Variants in TRIO observed in about 807,000 individuals in gnomAD.
TRIO encodes the protein triple functional domain protein.
Under a neutral mutation model 351.9 loss-of-function variants are expected in TRIO, and 58 were observed. That is an observed-to-expected ratio of 0.16 (90% confidence interval 0.13 to 0.21). TRIO has a LOEUF of 0.21. Among genes scored for constraint, TRIO ranks in the 10% least tolerant of loss-of-function variants. TRIO has a pLI of 1.00. For missense variants in TRIO, 3,201 were observed against 4,027.8 expected, an observed-to-expected ratio of 0.79 and a Z score of 5.56; for synonymous variants, 1,758 against 1,595.7, an observed-to-expected ratio of 1.10 and a Z score of -2.42.
chr5:14,248,984 C>T (rs1156693598), intron 1 of TRIO, among the ~76,000 whole-genome samples: 3 of 152,144 alleles, frequency 2.0e-5, no homozygotes, highest in Non-Finnish European at 4.4e-5. Context: ...AGCTTCTGTC[C>T]AGGTGAGGTG....
intron 48 of TRIO, chr5:14,490,697 G>T: frequency 2.3e-6 from 1 of 427,230 alleles, no homozygotes; most frequent in East Asian, 7.1e-5. Flanking sequence ...AAGCAGGATA[G>T]ACTTGAAATG....
intron 1 of TRIO, among the ~76,000 whole-genome samples, chr5:14,200,375 T>G (rs1215018639): frequency 1.3e-5 from 2 of 152,236 alleles, no homozygotes; most frequent in Non-Finnish European, 2.9e-5. Context: ...GTCCTTTGTC[T>G]GTAATTGCGC....
At chr5:14,361,268 T>C (rs1744127893) in intron 13 of TRIO, among the ~76,000 whole-genome samples, 1 of 152,212 alleles carries the variant, frequency 6.6e-6, no homozygotes, top group African/African-American at 2.4e-5. Flanking sequence ...TATATGAAAG[T>C]ACTTCCGCTT....
At chr5:14,463,068 C>T (rs1265262782) in intron 36 of TRIO, 143 bp downstream of exon 36, 11 of 1,130,866 alleles carry the variant, frequency 9.7e-6, no homozygotes, top group Non-Finnish European at 1.3e-5. Flanking sequence ...TTTCAGGCAG[C>T]GTCAGCCTGG....
rs1309050792 is a variant in TRIO, at chr5:14,399,246, C to T, written c.4614+176C>T. 3 of 645,066 alleles carry T rather than the reference C, an allele frequency of 4.7e-6. No homozygotes were observed. In the African/African-American group the frequency reaches 5.5e-5, roughly 12 times the overall value. 40.0% of individuals were successfully genotyped at this position (645,066 alleles called of 1,614,324 possible). Reference sequence around the variant, plus strand: ...GTGAAATTATTTCCCACCCTCAAGTCCACTAGAGGGTGCTCTGGAGTTTAT... The same window carrying T: ...GTGAAATTATTTCCCACCCTCAAGTTCACTAGAGGGTGCTCTGGAGTTTAT... On this transcript the variant is annotated intron_variant, in intron 30 of 56. Transcript: ENST00000344204.
At chr5:14,227,436 A>G (rs1380833589) in intron 1 of TRIO, among the ~76,000 whole-genome samples, 1 of 152,146 alleles carries the variant, frequency 6.6e-6, no homozygotes, top group Non-Finnish European at 1.5e-5. Context: ...CTGATGGACC[A>G]CCTCATTTGT....
chr5:14,287,192 G>A (rs1736518371), intron 4 of TRIO, 129 bp downstream of exon 4: 6 of 879,568 alleles, frequency 6.8e-6, no homozygotes, highest in Middle Eastern at 2.4e-4. Context: ...ACGAACATGT[G>A]ATACGTAAAA....
At chr5:14,328,306 A>C (rs898669177) in intron 9 of TRIO, among the ~76,000 whole-genome samples, 9 of 152,270 alleles carry the variant, frequency 5.9e-5, no homozygotes, top group Non-Finnish European at 1.3e-4. Flanking sequence ...TAGTTAAAAC[A>C]ATGTGCTCAA....
rs767362125 is a variant in TRIO at position 14,487,821 on chromosome 5, A to G, written c.7193A>G (p.Asp2398Gly). ...CCCAGCAGGCGGCCCCCCGGCGCGG[A>G]CGCCGAGGGGTCCGAGCGAGAAGCG... ...SAPSRRPPGA[D>G]AEGSEREAEP... Residue 2398 changes from aspartate to glycine, a missense_variant, in exon 48 of 57, where the codon GAC (aspartate) becomes GGC (glycine). Physicochemically the swap from Asp to Gly is moderately conservative, Grantham distance 94. Coordinates refer to ENST00000344204, the MANE Select transcript of TRIO (RefSeq NM_007118.4). 2 of 1,478,420 alleles carry G rather than the reference A, an allele frequency of 1.4e-6. No individual in the cohort carries two copies. Among genetic ancestry groups the G allele is most frequent in the African/African-American group, 3.0e-5 (2 of 67,018 alleles). 91.6% of individuals were successfully genotyped at this position (1,478,420 alleles called of 1,614,324 possible).
At chr5:14,147,262 C>A (rs1203636855) in intron 1 of TRIO, among the ~76,000 whole-genome samples, 1 of 152,152 alleles carries the variant, frequency 6.6e-6, no homozygotes, top group Admixed American at 6.6e-5. Flanking sequence ...CAGAGTGGAA[C>A]TTGGGTAGAG....
rs999534000 is a variant in TRIO, at chr5:14,143,459, C to G, written c.-267C>G. Among the ~76,000 whole-genome samples the G allele has an allele frequency of 6.7e-6, 1 of 149,000 alleles. No homozygotes were observed. Among genetic ancestry groups the G allele is most frequent in the African/African-American group, 2.4e-5 (1 of 41,040 alleles). On this transcript the variant is annotated 5_prime_UTR_variant, in exon 1 of 57. Transcript: ENST00000344204. ...TCCGGGAGGCGCGTGCTGCTGCCCG[C>G]GCTCCGGCCGGCGCCCGGGAGGCCG...
chr5:14,488,948 C>A lies in TRIO; in HGVS notation c.7632+688C>A, dbSNP rs754694601. The A allele has an allele frequency of 5.2e-6, 4 of 764,058 alleles. No individual in the cohort carries two copies. The South Asian group carries it at 5.4e-5, about 10-fold the overall frequency. 47.3% of individuals were successfully genotyped at this position (764,058 alleles called of 1,614,324 possible). On this transcript the variant is annotated intron_variant, in intron 48 of 56. Transcript: ENST00000344204. ...TCGTTTGGCCCATCACTCATGCTGC[C>A]GTCTCAAGCACAAGGGTTGCTGTGG...
At chr5:14,276,201 T>TC (rs1735506456) in intron 2 of TRIO, among the ~76,000 whole-genome samples, 1 of 152,204 alleles carries the variant, frequency 6.6e-6, no homozygotes, top group Admixed American at 6.5e-5. Context: ...GTACTGCATT[T>TC]CCCCGGAAGA....
intron 1 of TRIO, among the ~76,000 whole-genome samples, chr5:14,184,198 G>T (rs1483293966): frequency 6.6e-6 from 1 of 152,054 alleles, no homozygotes; most frequent in East Asian, 1.9e-4. Flanking sequence ...ATTTAGAAAT[G>T]TTTTTTTAAA....
intron 1 of TRIO, among the ~76,000 whole-genome samples, chr5:14,171,662 A>G (rs1006681624): frequency 1.3e-5 from 2 of 152,234 alleles, no homozygotes; most frequent in Admixed American, 6.5e-5. Context: ...GTAATAGAGT[A>G]TCTGAAACTG....
chr5:14,365,178 T>C lies in TRIO; in HGVS notation c.2754+362T>C, dbSNP rs1384204270. Among the ~76,000 whole-genome samples the C allele has an allele frequency of 2.0e-5, 3 of 152,222 alleles. No individual in the cohort carries two copies. The East Asian group carries it at 5.8e-4, about 29-fold the overall frequency. Reference sequence around the variant, plus strand: ...TGCCCAGTACTGTTAGGATCTGGATTGTTTCTCAGACTCCAGATGCCTGGG... The same window carrying C: ...TGCCCAGTACTGTTAGGATCTGGATCGTTTCTCAGACTCCAGATGCCTGGG... On this transcript the variant is annotated intron_variant, in intron 15 of 56. Transcript: ENST00000344204.
At chr5:14,312,614 G>T (rs944001428) in intron 8 of TRIO, among the ~76,000 whole-genome samples, 6 of 152,170 alleles carry the variant, frequency 3.9e-5, no homozygotes, top group African/African-American at 1.2e-4. Context: ...TGCAGCTGTT[G>T]TCTCTTTGTG....
chr5:14,261,684 CTTGCGTTTCCTTTGG>C (rs1795353511), intron 1 of TRIO, among the ~76,000 whole-genome samples: 1 of 152,208 alleles, frequency 6.6e-6, no homozygotes, highest in African/African-American at 2.4e-5. Flanking sequence ...TCCCTGAAGG[CTTGCGTTTCCTTTGG>C]TTGTGGAGGT....
intron 18 of TRIO, among the ~76,000 whole-genome samples, chr5:14,371,544 C>T (rs777577192): frequency 6.6e-6 from 1 of 151,850 alleles, no homozygotes; most frequent in Non-Finnish European, 1.5e-5. Flanking sequence ...TTCAGAAATA[C>T]AAATAAAATA....
Sources: allele counts gnomAD v4.1 joint callset (sites outside exome capture counted in the v4.1 genomes callset), GRCh38; gene constraint gnomAD v4.1.1; transcripts MANE v1.5; gene names NCBI Gene and HGNC (gene_info 2026-07-23, HGNC 2026-07-21).